SLC4A4: variants seen among roughly 807,000 people sequenced by gnomAD.
The protein encoded by SLC4A4 is solute carrier family 4 member 4.
SLC4A4 carries 27 observed loss-of-function variants against 111.5 expected under a neutral mutation model. The observed-to-expected ratio is 0.24, with a 90% CI of 0.18 to 0.33. The LOEUF (loss-of-function observed/expected upper bound fraction) is 0.33. SLC4A4 is among the 10% of genes least tolerant of loss of function. The pLI is 1.00. For synonymous variants in SLC4A4, 443 were observed against 463.4 expected (o/e 0.96, Z 0.57); for missense variants, 909 against 1,315.5 (o/e 0.69, Z 4.78).
chr4:71,426,528 A>G (rs996644513), intron 7 of SLC4A4, among the ~76,000 whole-genome samples: 4 of 152,134 alleles, frequency 2.6e-5, no homozygotes, highest in African/African-American at 9.6e-5. Context: ...GCAACGTACT[A>G]GTCTCTAACC....
At chr4:71,213,145 A>G (rs1257648638) in intron 1 of SLC4A4, among the ~76,000 whole-genome samples, 1 of 152,208 alleles carries the variant, frequency 6.6e-6, no homozygotes, top group Non-Finnish European at 1.5e-5. Context: ...TTGACAAACG[A>G]TGCATTTCTT....
At chr4:71,411,514 C>A (rs1721362822) in intron 7 of SLC4A4, among the ~76,000 whole-genome samples, 1 of 152,060 alleles carries the variant, frequency 6.6e-6, no homozygotes, top group African/African-American at 2.4e-5. Context: ...ACTAATAGGC[C>A]ATTTGCTTCA....
At chr4:71,536,486 A>ATATATATATATATATATG (rs199681803) in intron 18 of SLC4A4, among the ~76,000 whole-genome samples, 95 of 67,862 alleles carry the variant, frequency 1.4e-3, no homozygotes, top group Non-Finnish European at 2.5e-3. Context: ...ATATATATAT[A>ATATATATATATATATATG]TGTATATATT....
intron 3 of SLC4A4, among the ~76,000 whole-genome samples, chr4:71,329,739 A>G (rs895812919): frequency 2.0e-5 from 3 of 152,142 alleles, no homozygotes; most frequent in Non-Finnish European, 4.4e-5. Context: ...TTTTCCAAAT[A>G]TAAGGTTATA....
chr4:71,524,366 G>A (rs1466575861), intron 16 of SLC4A4, among the ~76,000 whole-genome samples: 2 of 152,102 alleles, frequency 1.3e-5, no homozygotes, highest in Non-Finnish European at 2.9e-5. Context: ...GGAAGAAAAG[G>A]TCTTTTAGTG....
At chr4:71,382,557 A>C (rs185116536) in intron 6 of SLC4A4, among the ~76,000 whole-genome samples, 10 of 152,316 alleles carry the variant, frequency 6.6e-5, no homozygotes, top group African/African-American at 1.9e-4. Context: ...TGGGATATTG[A>C]AACAGTTTAC....
At chr4:71,307,309 C>G (rs775569460) in intron 3 of SLC4A4, among the ~76,000 whole-genome samples, 39 of 152,168 alleles carry the variant, frequency 2.6e-4, no homozygotes, top group Non-Finnish European at 4.7e-4. Flanking sequence ...CTGATTTCCC[C>G]CTTCACCCCA....
At chr4:71,366,314 A>G (rs1400645751) in intron 6 of SLC4A4, among the ~76,000 whole-genome samples, 1 of 50,006 alleles carries the variant, frequency 2.0e-5, no homozygotes, top group Non-Finnish European at 5.9e-5. Flanking sequence ...TTCTGGAGAT[A>G]TTGTGTGTGT....
Position 71,133,013 on chromosome 4 carries a change from T to C in SLC4A4, c.-2+40221T>C, listed in dbSNP as rs117694950. Among the ~76,000 whole-genome samples the C allele has an allele frequency of 3.6e-4, 55 of 152,350 alleles. No homozygotes were observed. The East Asian group carries it at 5.0e-3, about 14-fold the overall frequency. ...AGTTGACAAGCCTACAGACTTGCAC[T>C]GAATGCCAATTAATGTAAGTGCATT... is the stretch of plus-strand genomic sequence containing the variant. On this transcript the variant is annotated intron_variant, in intron 2 of 26. Transcript: ENST00000649996.
At chr4:71,137,711 C>T (rs1201979509) in intron 2 of SLC4A4, among the ~76,000 whole-genome samples, 4 of 152,214 alleles carry the variant, frequency 2.6e-5, no homozygotes, top group Non-Finnish European at 5.9e-5. Context: ...CCAAGGGCAG[C>T]TCTAATCACT....
At chr4:71,329,547 C>T (rs1362126798) in intron 3 of SLC4A4, among the ~76,000 whole-genome samples, 1 of 151,822 alleles carries the variant, frequency 6.6e-6, no homozygotes, top group Non-Finnish European at 1.5e-5. Context: ...TTGGCTAAGT[C>T]TGTTCTTAAG....
At chr4:71,316,879 T>C (rs187421056) in intron 3 of SLC4A4, among the ~76,000 whole-genome samples, 59 of 152,230 alleles carry the variant, frequency 3.9e-4, no homozygotes, top group African/African-American at 1.3e-3. Context: ...GCAAAGGACA[T>C]GATCTCATTC....
At chr4:71,355,992 CAA>C (rs1355847207) in intron 5 of SLC4A4, among the ~76,000 whole-genome samples, 1 of 152,204 alleles carries the variant, frequency 6.6e-6, no homozygotes, top group African/African-American at 2.4e-5. Flanking sequence ...GTGCAGAGGA[CAA>C]AAGGTCTACT....
At position 71,328,058 on chromosome 4, in the gene SLC4A4, T is replaced by C. The variant is rs1230896373; in HGVS notation, c.254-11312T>C. Among the ~76,000 whole-genome samples the C allele has an allele frequency of 3.3e-5, 5 of 152,166 alleles. No homozygotes were observed. In the South Asian group the frequency reaches 8.3e-4, roughly 25 times the overall value. ...TGAGTTCAATTGTTTTAATGTTTAG[T>C]TTCCACAAATAAGTGAGGACGTGCA... is the stretch of plus-strand genomic sequence containing the variant. On this transcript the variant is annotated intron_variant, in intron 3 of 25. Transcript: ENST00000264485.
intron 2 of SLC4A4, among the ~76,000 whole-genome samples, chr4:71,168,373 G>T (rs1744841405): frequency 6.6e-6 from 1 of 151,562 alleles, no homozygotes; most frequent in African/African-American, 2.4e-5. Flanking sequence ...AGTAGAGATG[G>T]GGTTTCACCA....
At chr4:71,504,763 G>A (rs2149163931) in intron 16 of SLC4A4, among the ~76,000 whole-genome samples, 1 of 151,520 alleles carries the variant, frequency 6.6e-6, no homozygotes, top group Middle Eastern at 3.4e-3. Context: ...TACAGGATGT[G>A]CAGGTTTGTT....
intron 2 of SLC4A4, among the ~76,000 whole-genome samples, chr4:71,129,107 G>A (rs1233568026): frequency 1.3e-5 from 2 of 152,100 alleles, no homozygotes; most frequent in Non-Finnish European, 2.9e-5. Flanking sequence ...AACAAAAATT[G>A]ACAAATGGGA....
chr4:71,121,485 T>C (rs991284027), intron 2 of SLC4A4, among the ~76,000 whole-genome samples: 1 of 152,138 alleles, frequency 6.6e-6, no homozygotes, highest in Non-Finnish European at 1.5e-5. Flanking sequence ...GAGGATTGTA[T>C]ATGCACCAAG....
chr4:71,319,553 T>C (rs1017169620), intron 3 of SLC4A4, among the ~76,000 whole-genome samples: 2 of 152,150 alleles, frequency 1.3e-5, no homozygotes, highest in South Asian at 4.1e-4. Flanking sequence ...CCTCTAAGAA[T>C]GTCAGATTCA....
Sources: gnomAD v4.1 joint callset for allele counts (sites outside exome capture counted in the v4.1 genomes callset) on GRCh38, gnomAD v4.1.1 for gene constraint, MANE v1.5 for transcripts, NCBI Gene and HGNC (gene_info 2026-07-23, HGNC 2026-07-21) for gene names.